The following HYDIN variants were observed in gnomAD, a reference collection of about 807,000 sequenced individuals.
HYDIN encodes axonemal central pair apparatus protein HYDIN.
HYDIN carries 132 observed loss-of-function variants against 403.9 expected under a neutral mutation model. The observed-to-expected ratio is 0.33, with a 90% confidence interval of 0.28 to 0.38. The LOEUF (loss-of-function observed/expected upper bound fraction) is 0.38, where lower values mean the gene tolerates loss of function less well. Among genes scored for constraint, HYDIN ranks in the 10% least tolerant of loss-of-function variants. The pLI is 1.00. For missense variants in HYDIN, 2,827 were observed against 5,009.5 expected (o/e 0.56, Z 13.15); for synonymous variants, 1,202 against 1,891.7 (o/e 0.64, Z 9.46).
chr16:70,863,490 T>C (rs546665822), intron 67 of HYDIN, among the ~76,000 whole-genome samples: 6 of 152,314 alleles, frequency 3.9e-5, no homozygotes, highest in African/African-American at 1.2e-4. Flanking sequence ...ACCCCCACCA[T>C]GAGAGAGGAA....
chr16:70,879,099 G>A (rs1415073410), intron 62 of HYDIN, among the ~76,000 whole-genome samples, 198 bp downstream of exon 62: 1 of 149,378 alleles, frequency 6.7e-6, no homozygotes, highest in African/African-American at 2.5e-5. Flanking sequence ...ATGATATATT[G>A]TGGAATCTGG....
chr16:70,979,164 T>C (rs1217617839), intron 29 of HYDIN, 123 bp from the exon 30 acceptor site: 6 of 1,169,412 alleles, frequency 5.1e-6, no homozygotes, highest in Non-Finnish European at 6.0e-6. Flanking sequence ...AGTGGACTTT[T>C]GGATACTTTG....
intron 1 of HYDIN, among the ~76,000 whole-genome samples, chr16:71,210,835 C>CA (rs1181823394): frequency 6.6e-6 from 1 of 151,290 alleles, no homozygotes; most frequent in South Asian, 2.1e-4. Context: ...GTATTGATTT[C>CA]AAAAAAAATT....
intron 1 of HYDIN, among the ~76,000 whole-genome samples, chr16:71,229,057 CAAAAAACCAA>C (rs2041164684): frequency 6.8e-6 from 1 of 146,868 alleles, no homozygotes; most frequent in Non-Finnish European, 1.5e-5. Flanking sequence ...ATCACAAGGA[CAAAAAACCAA>C]ACACCGCATG....
chr16:70,830,863 T>A (rs1225187228), intron 80 of HYDIN, among the ~76,000 whole-genome samples: 1 of 152,094 alleles, frequency 6.6e-6, no homozygotes, highest in Non-Finnish European at 1.5e-5. Context: ...TGCCTATTCG[T>A]CAAGAAGGAA....
chr16:71,125,781 A>G lies in HYDIN; in HGVS notation c.1227+3859T>C, dbSNP rs1442453562. Among the ~76,000 whole-genome samples, 3 of 152,176 alleles carry G rather than the reference A, an allele frequency of 2.0e-5. No homozygotes were observed. The East Asian group carries it at 5.8e-4, about 29-fold the overall frequency. ...AAGCACTTTAGTGTCTTTCTTTTGA[A>G]CATCTCAGATTTCTGCCATTTCCTT... On this transcript the variant is annotated intron_variant, in intron 9 of 85. Transcript: ENST00000393567.
At chr16:70,947,118 A>C (rs1427993060) in intron 41 of HYDIN, among the ~76,000 whole-genome samples, 5 of 148,938 alleles carry the variant, frequency 3.4e-5, no homozygotes, top group Admixed American at 1.3e-4. Flanking sequence ...GTCTTGTGCC[A>C]GTTTTCAAAG....
intron 45 of HYDIN, among the ~76,000 whole-genome samples, chr16:70,928,316 C>G (rs1482757587): frequency 6.6e-6 from 1 of 152,162 alleles, no homozygotes; most frequent in Non-Finnish European, 1.5e-5. Flanking sequence ...ATTAGCCAGA[C>G]GTGGTGGTGC....
rs767375464 is a variant in HYDIN, at chr16:70,904,518, T to TTTTTTTTTTTTTTTTTTTTTTTG, written c.8517-455_8517-454insCAAAAAAAAAAAAAAAAAAAAAA. ...TTTTTTTTTTTTTTTTTTTTTTTTT[T>TTTTTTTTTTTTTTTTTTTTTTTG]TGAGGGAGTTTCGTTCTTGTTGCCC... On this transcript the variant is annotated intron_variant, in intron 50 of 85. Coordinates refer to ENST00000393567, the MANE Select transcript of HYDIN (RefSeq NM_001270974.2). Among the ~76,000 whole-genome samples the TTTTTTTTTTTTTTTTTTTTTTTG allele has an allele frequency of 1.5e-3, 57 of 37,010 alleles. 18 individuals carry two copies. The highest frequency in any genetic ancestry group is 2.2e-3 in the Non-Finnish European group (42 of 19,124). The allele number at this position is 37,010 out of a possible 152,430, so 24.3% of individuals were successfully genotyped here. A position where few individuals can be genotyped will look rare whatever the true frequency, so the allele number is the denominator to read the frequency against.
chr16:71,098,213 T>TG (rs2083335195), intron 10 of HYDIN, among the ~76,000 whole-genome samples: 1 of 147,228 alleles, frequency 6.8e-6, no homozygotes, highest in Admixed American at 6.7e-5. Flanking sequence ...CTTTTTTTTT[T>TG]TTTTTTGAGA....
chr16:71,175,523 A>G lies in HYDIN; in HGVS notation c.516+84T>C, dbSNP rs1448975870. 6.0e-6 allele frequency: 8 copies of G among 1,335,468 alleles called. No individual in the cohort carries two copies. The South Asian group carries it at 1.0e-4, about 17-fold the overall frequency. The allele number at this position is 1,335,468 out of a possible 1,614,324, so 82.7% of individuals were successfully genotyped here. ...CACCACCACCACCACCACCACCACC[A>G]GCACTACCGCCTCTGTAAATATTCA... On this transcript the variant is annotated intron_variant, in intron 5 of 85. Transcript: ENST00000393567.
At chr16:70,808,384 A>G (rs2035237236) in intron 85 of HYDIN, among the ~76,000 whole-genome samples, 1 of 152,066 alleles carries the variant, frequency 6.6e-6, no homozygotes, top group African/African-American at 2.4e-5. Flanking sequence ...GGAAGACCAA[A>G]CATTCTGGTT....
rs2084891170 is a variant in HYDIN at position 71,135,684 on chromosome 16, G to C, written c.1043+1467C>G. On this transcript the variant is annotated intron_variant, in intron 8 of 85. Coordinates refer to ENST00000393567, the MANE Select transcript of HYDIN (RefSeq NM_001270974.2). ...CGCTGGTGAGCACATGTGAGTCGGG[G>C]AACCAGGGCAAAGGAAGCAGTACTG... is the stretch of plus-strand genomic sequence containing the variant. 2.0e-5 allele frequency among the ~76,000 whole-genome samples: 3 copies of C among 152,198 alleles called. No individual in the cohort carries two copies. In the South Asian group the frequency reaches 6.2e-4, roughly 32 times the overall value.
At chr16:70,925,345 T>C (rs1211187259) in intron 45 of HYDIN, among the ~76,000 whole-genome samples, 1 of 152,260 alleles carries the variant, frequency 6.6e-6, no homozygotes, top group Non-Finnish European at 1.5e-5. Context: ...TTTCTACATA[T>C]GGCTAGCCAG....
At chr16:70,945,786 T>C in intron 41 of HYDIN, among the ~76,000 whole-genome samples, 1 of 152,104 alleles carries the variant, frequency 6.6e-6, no homozygotes, top group South Asian at 2.1e-4. Flanking sequence ...GACAGAAAAC[T>C]GACCTCTGTA....
At chr16:71,089,703 G>A (rs1242857076) in intron 11 of HYDIN, among the ~76,000 whole-genome samples, 1 of 152,124 alleles carries the variant, frequency 6.6e-6, no homozygotes, top group Non-Finnish European at 1.5e-5. Flanking sequence ...AGAATCCAGA[G>A]GACAAATATT....
intron 42 of HYDIN, among the ~76,000 whole-genome samples, chr16:70,942,824 C>T (rs1774354): frequency 5.9e-5 from 9 of 152,276 alleles, no homozygotes; most frequent in Admixed American, 3.9e-4. Flanking sequence ...GAGACCAGCA[C>T]TTTGAGTAGC....
At chr16:71,029,954 C>T (rs923352071) in intron 19 of HYDIN, among the ~76,000 whole-genome samples, 2 of 152,050 alleles carry the variant, frequency 1.3e-5, no homozygotes, top group Non-Finnish European at 2.9e-5. Flanking sequence ...TTCAACTGGC[C>T]CCCAAGAGCC....
At chr16:70,926,927 A>T (rs552067653) in intron 45 of HYDIN, among the ~76,000 whole-genome samples, 1 of 152,374 alleles carries the variant, frequency 6.6e-6, no homozygotes, top group East Asian at 1.9e-4. Context: ...TGTCAGAAGA[A>T]AATATTCAGT....
Sources: gnomAD v4.1 joint callset for allele counts (sites outside exome capture counted in the v4.1 genomes callset) on GRCh38, gnomAD v4.1.1 for gene constraint, MANE v1.5 for transcripts, NCBI Gene and HGNC (gene_info 2026-07-23, HGNC 2026-07-21) for gene names.